TRHDE: variants seen among roughly 807,000 people sequenced by gnomAD.
TRHDE encodes the protein thyrotropin releasing hormone degrading enzyme, also known as thyrotropin-releasing hormone-degrading ectoenzyme.
A neutral mutation model predicts 125.7 loss-of-function variants in TRHDE; 72 were observed. The ratio of observed to expected loss-of-function variants is 0.57; its 90% CI spans 0.47 to 0.70. TRHDE has a LOEUF of 0.70. Among genes scored for constraint, TRHDE ranks in the 30% least tolerant of loss-of-function variants. TRHDE has a pLI of 0.00. For synonymous variants in TRHDE, 509 were observed against 509.1 expected (o/e 1.00, Z 0.00); for missense variants, 1,110 against 1,327.1 (o/e 0.84, Z 2.54).
At chr12:72,476,772 T>C (rs910717162) in intron 5 of TRHDE, among the ~76,000 whole-genome samples, 1 of 152,204 alleles carries the variant, frequency 6.6e-6, no homozygotes, top group Non-Finnish European at 1.5e-5. Flanking sequence ...AAGCCTAGAA[T>C]TACATAGTAT....
intron 2 of TRHDE, among the ~76,000 whole-genome samples, chr12:72,217,244 C>T (rs1373093822): frequency 2.0e-5 from 3 of 152,098 alleles, no homozygotes; most frequent in African/African-American, 4.8e-5. Flanking sequence ...TTTGATTGTT[C>T]CATTCAATTT....
chr12:72,142,444 A>G (rs1876133107), intron 2 of TRHDE, among the ~76,000 whole-genome samples: 1 of 152,158 alleles, frequency 6.6e-6, no homozygotes, highest in African/African-American at 2.4e-5. Flanking sequence ...GCAGACCTGC[A>G]TGGATACACT....
intron 1 of TRHDE, among the ~76,000 whole-genome samples, chr12:72,092,899 T>C (rs139213428): frequency 9.2e-4 from 140 of 152,324 alleles, no homozygotes; most frequent in African/African-American, 3.3e-3. Context: ...ACTCCTCTCC[T>C]CTACCATGGA....
At chr12:72,640,360 G>T (rs1874000090) in intron 15 of TRHDE, among the ~76,000 whole-genome samples, 1 of 152,236 alleles carries the variant, frequency 6.6e-6, no homozygotes, top group Non-Finnish European at 1.5e-5. Context: ...GCCCTGCTTT[G>T]GCTCGCGCAC....
At chr12:72,482,280 C>T (rs746393412) in intron 5 of TRHDE, among the ~76,000 whole-genome samples, 44 of 151,562 alleles carry the variant, frequency 2.9e-4, no homozygotes, top group Non-Finnish European at 5.5e-4. Context: ...CTTAGCTGAC[C>T]GATATACTTC....
intron 6 of TRHDE, among the ~76,000 whole-genome samples, chr12:72,527,927 A>C (rs1357724760): frequency 1.3e-5 from 2 of 152,164 alleles, no homozygotes; most frequent in African/African-American, 2.4e-5. Flanking sequence ...TTATTCATAA[A>C]ATATGTGGCA....
chr12:72,373,160 T>C (rs1871693558), intron 2 of TRHDE, among the ~76,000 whole-genome samples: 1 of 152,188 alleles, frequency 6.6e-6, no homozygotes, highest in African/African-American at 2.4e-5. Flanking sequence ...CAATTGTGAA[T>C]GGGAGTTCAC....
At chr12:72,354,828 T>C (rs964208068) in intron 2 of TRHDE, among the ~76,000 whole-genome samples, 26 of 151,420 alleles carry the variant, frequency 1.7e-4, no homozygotes, top group Admixed American at 3.3e-4. Flanking sequence ...ATTGTCTAGC[T>C]AGAAGTGCAA....
intron 3 of TRHDE, among the ~76,000 whole-genome samples, chr12:72,411,719 T>G (rs761637781): frequency 6.6e-6 from 1 of 152,060 alleles, no homozygotes; most frequent in Non-Finnish European, 1.5e-5. Flanking sequence ...TGGGAAGAAT[T>G]GACTTATCAG....
intron 12 of TRHDE, among the ~76,000 whole-genome samples, chr12:72,607,141 G>T (rs968100559): frequency 2.0e-5 from 3 of 151,908 alleles, no homozygotes; most frequent in Non-Finnish European, 4.4e-5. Context: ...ACAATTTAGT[G>T]AGGAAGGTTG....
intron 2 of TRHDE, among the ~76,000 whole-genome samples, chr12:72,291,630 G>A (rs747122375): frequency 2.6e-4 from 40 of 152,214 alleles, no homozygotes; most frequent in South Asian, 8.3e-4. Flanking sequence ...TTGAACAGGA[G>A]CTAGAGTTTA....
At chr12:72,149,652 A>G (rs1486646655) in intron 2 of TRHDE, among the ~76,000 whole-genome samples, 1 of 152,142 alleles carries the variant, frequency 6.6e-6, no homozygotes. Flanking sequence ...TAAACAACTA[A>G]ATAAAACCAA....
At chr12:72,153,144 A>C (rs1456025277) in intron 2 of TRHDE, among the ~76,000 whole-genome samples, 1 of 152,172 alleles carries the variant, frequency 6.6e-6, no homozygotes, top group Admixed American at 6.6e-5. Context: ...TATGTTGAGG[A>C]ACTTATCCAT....
At chr12:72,292,569 A>T (rs1880128783) in intron 2 of TRHDE, among the ~76,000 whole-genome samples, 1 of 152,200 alleles carries the variant, frequency 6.6e-6, no homozygotes, top group South Asian at 2.1e-4. Flanking sequence ...CATTTTCCAT[A>T]GCATTACAAG....
At chr12:72,183,490 C>G (rs992382956) in intron 2 of TRHDE, among the ~76,000 whole-genome samples, 1 of 152,068 alleles carries the variant, frequency 6.6e-6, no homozygotes, top group Non-Finnish European at 1.5e-5. Context: ...ATAGTTCTAA[C>G]GTTTATTTGA....
intron 2 of TRHDE, among the ~76,000 whole-genome samples, chr12:72,319,463 C>G (rs570072362): frequency 6.6e-6 from 1 of 152,156 alleles, no homozygotes; most frequent in Non-Finnish European, 1.5e-5. Flanking sequence ...ACCTTGAACT[C>G]TTTTCTGCTC....
intron 15 of TRHDE, among the ~76,000 whole-genome samples, chr12:72,646,165 T>A (rs1395744133): frequency 1.3e-5 from 2 of 152,104 alleles, no homozygotes; most frequent in Non-Finnish European, 2.9e-5. Context: ...GACTAAAATA[T>A]ATTAAAAGGT....
intron 2 of TRHDE, among the ~76,000 whole-genome samples, chr12:72,172,946 C>T (rs866708226): frequency 6.6e-6 from 1 of 152,126 alleles, no homozygotes; most frequent in African/African-American, 2.4e-5. Flanking sequence ...GGCTCTGCTG[C>T]CCTAGTGAGA....
chr12:72,490,248 T>A (rs1428495468), intron 5 of TRHDE, among the ~76,000 whole-genome samples: 1 of 151,816 alleles, frequency 6.6e-6, no homozygotes, highest in Non-Finnish European at 1.5e-5. Context: ...ACATTGGTAG[T>A]CATCAGAGAA....
Sources: gnomAD v4.1 joint callset for allele counts (sites outside exome capture counted in the v4.1 genomes callset) on GRCh38, gnomAD v4.1.1 for gene constraint, MANE v1.5 for transcripts, NCBI Gene and HGNC (gene_info 2026-07-23, HGNC 2026-07-21) for gene names.